Variants in STAU1 observed in about 807,000 individuals in gnomAD.
STAU1 encodes the protein double-stranded RNA-binding protein Staufen homolog 1.
In STAU1, 13 loss-of-function variants were observed where a neutral mutation model predicts 62.9. That is an observed-to-expected ratio of 0.21 (90% CI 0.13 to 0.33). The LOEUF is 0.33. Among genes scored for constraint, STAU1 ranks in the 10% least tolerant of loss-of-function variants. The pLI is 1.00. For synonymous variants in STAU1, 269 were observed against 265.1 expected (o/e 1.01, Z -0.14); for missense variants, 571 against 712.1 (o/e 0.80, Z 2.25).
At chr20:49,185,910 G>A (rs904408773) in intron 1 of STAU1, among the ~76,000 whole-genome samples, 3 of 151,652 alleles carry the variant, frequency 2.0e-5, no homozygotes, top group African/African-American at 7.3e-5. Flanking sequence ...GTCTCTCTCT[G>A]TCGCCCAGGC....
chr20:49,211,256 A>T, the STAU1 span, among the ~76,000 whole-genome samples: 1 of 152,046 alleles, frequency 6.6e-6, no homozygotes, highest in African/African-American at 2.4e-5. Context: ...CCTTTTGTCT[A>T]CTGTGAATAG....
chr20:49,184,794 T>C (rs2093768144), intron 1 of STAU1, among the ~76,000 whole-genome samples: 1 of 152,186 alleles, frequency 6.6e-6, no homozygotes, highest in Non-Finnish European at 1.5e-5. Flanking sequence ...GAGGTGTATC[T>C]TTCCCCATCT....
intron 1 of STAU1, among the ~76,000 whole-genome samples, chr20:49,174,639 G>T (rs2093636560): frequency 6.6e-6 from 1 of 151,250 alleles, no homozygotes. Flanking sequence ...GAAATTACGA[G>T]GTTAAGAGAT....
At chr20:49,153,601 T>A (rs1424730819) in intron 4 of STAU1, among the ~76,000 whole-genome samples, 1 of 148,050 alleles carries the variant, frequency 6.8e-6, no homozygotes, top group Non-Finnish European at 1.5e-5. Context: ...ATCCCAGCTA[T>A]TCGGGAGGCT....
intron 1 of STAU1, among the ~76,000 whole-genome samples, chr20:49,176,918 T>TG (rs1046251001): frequency 6.6e-6 from 1 of 151,530 alleles, no homozygotes; most frequent in African/African-American, 2.4e-5. Context: ...TCTAGTTTTT[T>TG]TTTTTTTTTT....
intron 7 of STAU1, among the ~76,000 whole-genome samples, chr20:49,123,461 A>G (rs572349845): frequency 2.6e-5 from 4 of 152,344 alleles, no homozygotes; most frequent in South Asian, 4.1e-4. Context: ...ACATTTCACT[A>G]TAACGAAGCG....
intron 1 of STAU1, among the ~76,000 whole-genome samples, chr20:49,177,610 C>T (rs1227144021): frequency 5.3e-5 from 8 of 150,332 alleles, no homozygotes; most frequent in Non-Finnish European, 8.9e-5. Flanking sequence ...ATTCAGGAGG[C>T]GGAGCTTGCA....
At chr20:49,198,878 G>A in the STAU1 span, among the ~76,000 whole-genome samples, 4 of 151,840 alleles carry the variant, frequency 2.6e-5, no homozygotes, top group Non-Finnish European at 5.9e-5. Flanking sequence ...CAGGAAAATC[G>A]CTTGAACCCA....
At chr20:49,205,975 A>AAG in the STAU1 span, among the ~76,000 whole-genome samples, 2 of 139,590 alleles carry the variant, frequency 1.4e-5, no homozygotes, top group East Asian at 2.2e-4. Context: ...TGTCCGGCTA[A>AAG]TTTTCTTTTC....
chr20:49,135,719 G>C, intron 6 of STAU1, 114 bp downstream of exon 6: 1 of 769,798 alleles, frequency 1.3e-6, no homozygotes, highest in Non-Finnish European at 2.1e-6. Context: ...CTTAAATTTG[G>C]AGGTTCACAT....
At chr20:49,171,510 A>G (rs1412412209) in intron 2 of STAU1, among the ~76,000 whole-genome samples, 2 of 152,112 alleles carry the variant, frequency 1.3e-5, no homozygotes, top group African/African-American at 4.8e-5. Flanking sequence ...CGTGGTCTCT[A>G]TCTCCTGACC....
chr20:49,134,735 A>G (rs1424500957), intron 6 of STAU1: 2 of 1,113,526 alleles, frequency 1.8e-6, no homozygotes, highest in Non-Finnish European at 2.8e-6. Context: ...CCAAAAGTGC[A>G]ATTCCAAAAG....
At chr20:49,161,608 TG>T (rs2093449419) in intron 3 of STAU1, among the ~76,000 whole-genome samples, 2 of 152,240 alleles carry the variant, frequency 1.3e-5, no homozygotes. Context: ...ATACTCAAGC[TG>T]GATCTTGCTG....
At chr20:49,140,587 G>C (rs1255138822) in intron 5 of STAU1, among the ~76,000 whole-genome samples, 5 of 152,000 alleles carry the variant, frequency 3.3e-5, no homozygotes, top group African/African-American at 1.2e-4. Context: ...GAAGTGCCTA[G>C]GCTAGGCAAA....
At chr20:49,133,396 C>T (rs955935571) in intron 6 of STAU1, among the ~76,000 whole-genome samples, 9 of 152,188 alleles carry the variant, frequency 5.9e-5, no homozygotes, top group Middle Eastern at 3.2e-3. Flanking sequence ...CCACTCCCCA[C>T]GGTCTTGGTA....
intron 3 of STAU1, among the ~76,000 whole-genome samples, chr20:49,160,646 TA>T (rs1469924720): frequency 6.6e-6 from 1 of 152,212 alleles, no homozygotes; most frequent in Non-Finnish European, 1.5e-5. Context: ...GAATAATGAT[TA>T]GCAAATTTTA....
intron 5 of STAU1, among the ~76,000 whole-genome samples, chr20:49,139,095 T>C (rs1031679740): frequency 2.0e-5 from 3 of 152,066 alleles, no homozygotes; most frequent in African/African-American, 4.8e-5. Flanking sequence ...AAACTCAAAA[T>C]GGATCAAATA....
the STAU1 span, among the ~76,000 whole-genome samples, chr20:49,198,285 G>A: frequency 2.6e-5 from 4 of 151,976 alleles, no homozygotes; most frequent in African/African-American, 9.7e-5. Context: ...GGAGGCCGAG[G>A]TGGGCAGATT....
chr20:49,114,787 G>A lies in STAU1; in HGVS notation c.*91C>T, dbSNP rs2145791617. The A allele has an allele frequency of 4.0e-6, 5 of 1,236,692 alleles. No individual in the cohort carries two copies. In the East Asian group the frequency reaches 9.3e-5, roughly 23 times the overall value. 76.6% of individuals were successfully genotyped at this position (1,236,692 alleles called of 1,614,324 possible). On this transcript the variant is annotated 3_prime_UTR_variant, in exon 14 of 14. Transcript: ENST00000371856. ...TACCCACCGTGTCTCTCGGCCCACT[G>A]GAGGTATCAGAAATTCCAAATTTTC...
Sources: gnomAD v4.1 joint callset for allele counts (sites outside exome capture counted in the v4.1 genomes callset) on GRCh38, gnomAD v4.1.1 for gene constraint, MANE v1.5 for transcripts, NCBI Gene and HGNC (gene_info 2026-07-23, HGNC 2026-07-21) for gene names.